The following ANKRD42 variants were observed in gnomAD, a reference collection of about 807,000 sequenced individuals.
ANKRD42 encodes the protein ankyrin repeat domain-containing protein 42.
A neutral mutation model predicts 51.5 loss-of-function variants in ANKRD42; 43 were observed. The ratio of observed to expected loss-of-function variants is 0.83; its 90% CI spans 0.65 to 1.08. The LOEUF is 1.08. ANKRD42 is among the 50% of genes least tolerant of loss of function. ANKRD42 has a pLI of 0.00. For synonymous variants in ANKRD42, 203 were observed against 213.0 expected, an observed-to-expected ratio of 0.95 and a Z score of 0.41; for missense variants, 608 against 629.3, an observed-to-expected ratio of 0.97 and a Z score of 0.36.
rs1409356336 is a variant in ANKRD42 at position 83,225,724 on chromosome 11, G to T, written c.787+669G>T. Among the ~76,000 whole-genome samples the T allele has an allele frequency of 1.9e-4, 28 of 145,648 alleles. No individual in the cohort carries two copies. In the Admixed American group the frequency reaches 2.0e-3, roughly 11 times the overall value. ...GAACCTGGGAGGTGGAGGTTGTGGT[G>T]AGCTGAAATCATGCAATTGCACTCC... On this transcript the variant is annotated intron_variant, in intron 6 of 10. Coordinates refer to ENST00000533342, the MANE Select transcript of ANKRD42 (RefSeq NM_001300975.2).
At chr11:83,253,561 C>T (rs548765361), downstream of ANKRD42, among the ~76,000 whole-genome samples, 1 of 152,098 alleles carries the variant, frequency 6.6e-6, no homozygotes, top group Non-Finnish European at 1.5e-5. Context: ...GGATTTTTGT[C>T]TAATTTTGTT....
intron 1 of ANKRD42, among the ~76,000 whole-genome samples, chr11:83,196,056 A>G (rs1010116571): frequency 2.6e-5 from 4 of 152,148 alleles, no homozygotes; most frequent in Non-Finnish European, 5.9e-5. Flanking sequence ...TGTGTTAGCC[A>G]TGATGGTCTC....
chr11:83,228,990 T>C (rs1372296868), intron 7 of ANKRD42, among the ~76,000 whole-genome samples: 3 of 151,754 alleles, frequency 2.0e-5, no homozygotes, highest in Admixed American at 1.3e-4. Flanking sequence ...GCAAAGCCAC[T>C]GTATGAGTTT....
chr11:83,251,200 G>C (rs183185069), downstream of ANKRD42, among the ~76,000 whole-genome samples: 1 of 152,198 alleles, frequency 6.6e-6, no homozygotes, highest in Admixed American at 6.5e-5. Context: ...TGTTGACTCT[G>C]TAAAATCCCC....
At chr11:83,216,725 A>G (rs1462492256) in intron 5 of ANKRD42, among the ~76,000 whole-genome samples, 7 of 152,190 alleles carry the variant, frequency 4.6e-5, no homozygotes, top group Admixed American at 6.5e-5. Context: ...GTTTTGGTGT[A>G]AGGCATATTT....
At chr11:83,219,343 G>A (rs1016379682) in intron 5 of ANKRD42, among the ~76,000 whole-genome samples, 1 of 152,230 alleles carries the variant, frequency 6.6e-6, no homozygotes, top group Non-Finnish European at 1.5e-5. Flanking sequence ...TTCTGCCAAT[G>A]CGTCTTACCT....
At chr11:83,251,298 G>A (rs1863671074), downstream of ANKRD42, among the ~76,000 whole-genome samples, 1 of 152,086 alleles carries the variant, frequency 6.6e-6, no homozygotes, top group African/African-American at 2.4e-5. Flanking sequence ...ACTGGTCTGA[G>A]GGCTTCTCGT....
chr11:83,234,612 C>T (rs551801399), intron 7 of ANKRD42, among the ~76,000 whole-genome samples: 1 of 152,220 alleles, frequency 6.6e-6, no homozygotes, highest in South Asian at 2.1e-4. Flanking sequence ...TAAACATTTC[C>T]CATATGATAA....
downstream of ANKRD42, chr11:83,257,478 A>T (rs995503948): frequency 1.7e-5 from 6 of 360,444 alleles, no homozygotes; most frequent in African/African-American, 1.1e-4. Flanking sequence ...TTTATTGGGC[A>T]CTTTGTGTGA....
intron 5 of ANKRD42, chr11:83,214,524 A>G (rs974194036): frequency 1.0e-6 from 1 of 981,640 alleles, no homozygotes; most frequent in African/African-American, 1.7e-5. Flanking sequence ...AATAATATAG[A>G]TGTTAAGAAA....
Position 83,193,900 on chromosome 11 carries a change from C to T in ANKRD42, c.-771C>T. 2 of 454,520 alleles carry T rather than the reference C, an allele frequency of 4.4e-6. No homozygotes were observed. Among genetic ancestry groups the T allele is most frequent in the South Asian group, 1.6e-5 (1 of 64,496 alleles). The allele number at this position is 454,520 out of a possible 1,614,324, so 28.2% of individuals were successfully genotyped here. On this transcript the variant is annotated 5_prime_UTR_variant, in exon 1 of 11. Transcript: ENST00000533342. ...GTGGAGGATAAACGGTCTACACGGC[C>T]ATTCCGGCGCCGAGTCTAGGGAAAG...
chr11:83,250,409 G>A (rs1042938496), downstream of ANKRD42, among the ~76,000 whole-genome samples: 1 of 152,102 alleles, frequency 6.6e-6, no homozygotes, highest in Non-Finnish European at 1.5e-5. Context: ...CCTATGAGGA[G>A]GTAGAATGAT....
intron 5 of ANKRD42, among the ~76,000 whole-genome samples, chr11:83,224,137 T>G (rs180740963): frequency 9.2e-5 from 14 of 152,232 alleles, no homozygotes; most frequent in African/African-American, 3.1e-4. Context: ...GAAGTCAGTG[T>G]ATATACCTAG....
intron 7 of ANKRD42, among the ~76,000 whole-genome samples, chr11:83,230,711 C>T (rs192495902): frequency 4.6e-5 from 7 of 151,986 alleles, no homozygotes; most frequent in African/African-American, 1.2e-4. Flanking sequence ...CTCAGCCTCC[C>T]GAGTAGCTGG....
At chr11:83,227,702 A>G in intron 6 of ANKRD42, 45 bp from the exon 7 acceptor site, 1 of 1,570,180 alleles carries the variant, frequency 6.4e-7, no homozygotes, top group Admixed American at 2.0e-5. Context: ...AGGGAAAAGA[A>G]TAAACTCTTA....
At chr11:83,233,711 C>G (rs910412225) in intron 7 of ANKRD42, among the ~76,000 whole-genome samples, 1 of 152,126 alleles carries the variant, frequency 6.6e-6, no homozygotes, top group Non-Finnish European at 1.5e-5. Context: ...GAGATGGAGT[C>G]TCACTGTGTC....
At position 83,194,733 on chromosome 11, in the gene ANKRD42, G is replaced by A. The variant is rs1861563100; in HGVS notation, c.58+5G>A. On this transcript the variant is annotated splice_donor_5th_base_variant and intron_variant, in intron 1 of 10. Coordinates refer to ENST00000533342, the MANE Select transcript of ANKRD42 (RefSeq NM_001300975.2). The stretch of plus-strand genomic sequence containing the variant: ...CTAGGGAGACTGCAAACCCCTGTGA[G>A]TCAGACTGTCATTGGCCTTCATCTC... 1 of 1,581,410 alleles carries A rather than the reference G, an allele frequency of 6.3e-7. No homozygotes were observed. The highest frequency in any genetic ancestry group is 8.6e-7 in the Non-Finnish European group (1 of 1,164,340).
intron 1 of ANKRD42, among the ~76,000 whole-genome samples, chr11:83,196,396 A>AGT (rs1428938974): frequency 3.7e-4 from 49 of 133,162 alleles, no homozygotes; most frequent in African/African-American, 1.1e-3. Context: ...TGAGTGTGTG[A>AGT]GAGTGTGTGT....
At chr11:83,261,652 A>G (rs922495211), downstream of ANKRD42, 1 of 278,002 alleles carries the variant, frequency 3.6e-6, no homozygotes, top group African/African-American at 2.2e-5. Flanking sequence ...TAACTATCAA[A>G]AGGACAAAAT....
Sources: gnomAD v4.1 joint callset for allele counts (sites outside exome capture counted in the v4.1 genomes callset) on GRCh38, gnomAD v4.1.1 for gene constraint, MANE v1.5 for transcripts, NCBI Gene and HGNC (gene_info 2026-07-23, HGNC 2026-07-21) for gene names.